Variants in EIF5AL1 observed in about 807,000 individuals in gnomAD.
The protein encoded by EIF5AL1 is eukaryotic translation initiation factor 5A-1-like.
A neutral mutation model predicts 9.0 loss-of-function variants in EIF5AL1; 4 were observed. The ratio of observed to expected loss-of-function variants is 0.45; its 90% CI spans 0.22 to 1.02. EIF5AL1 has a LOEUF of 1.02. EIF5AL1 is among the 50% of genes least tolerant of loss of function. The pLI, the probability that EIF5AL1 is intolerant of heterozygous loss-of-function variation, is 0.24. For synonymous variants in EIF5AL1, 40 were observed against 75.7 expected (o/e 0.53, Z 2.45); for missense variants, 58 against 194.1 (o/e 0.30, Z 4.17).
rs1156533407 is a variant in EIF5AL1 at position 79,512,553 on chromosome 10, C to T, written c.-97C>T. On this transcript the variant is annotated 5_prime_UTR_variant, in exon 1 of 1. Transcript: ENST00000520547. The stretch of plus-strand genomic sequence containing the variant: ...GCCTGGGTAGAGGCGGCGGCGGCGG[C>T]GGCGGCGGCGGGCTCGGAGGCAGCG... The T allele has an allele frequency of 1.1e-5, 12 of 1,095,512 alleles. No homozygotes were observed. The highest frequency in any genetic ancestry group is 7.9e-6 in the Non-Finnish European group (6 of 762,474). 67.9% of individuals were successfully genotyped at this position (1,095,512 alleles called of 1,614,324 possible). A position where few individuals can be genotyped will look rare whatever the true frequency, so the allele number is the denominator to read the frequency against.
At position 79,513,984 on chromosome 10, in the gene EIF5AL1, A is replaced by T. The variant is rs1254689284; in HGVS notation, c.*870A>T. On this transcript the variant is annotated 3_prime_UTR_variant, in exon 1 of 1. Coordinates refer to ENST00000520547, the MANE Select transcript of EIF5AL1 (RefSeq NM_001099692.2). ...AGGAGTTCACAGTTTAACGCAAATG[A>T]GAAGCCAGTGAGGACATCACTACTC... 6.0e-6 allele frequency: 1 copy of T among 167,016 alleles called. No homozygotes were observed. Among genetic ancestry groups the T allele is most frequent in the Non-Finnish European group, 1.5e-5 (1 of 68,102 alleles). The allele number at this position is 167,016 out of a possible 1,614,324, so 10.3% of individuals were successfully genotyped here.
At position 79,515,731 on chromosome 10, in the gene EIF5AL1, T is replaced by G. The variant is rs2132260681; in HGVS notation, c.*2617T>G. ...GAATTCCATATAGACTGCATATGAG[T>G]TGAATCTTCTAAGACATGAAATATT... is the stretch of plus-strand genomic sequence containing the variant. On this transcript the variant is annotated 3_prime_UTR_variant, in exon 1 of 1. Transcript: ENST00000520547. 1 of 167,230 alleles carries G rather than the reference T, an allele frequency of 6.0e-6. No individual in the cohort carries two copies. The highest frequency in any genetic ancestry group is 2.1e-4 in the South Asian group (1 of 4,824). 10.4% of individuals were successfully genotyped at this position (167,230 alleles called of 1,614,324 possible). A position where few individuals can be genotyped will look rare whatever the true frequency, so the allele number is the denominator to read the frequency against.
Position 79,512,637 on chromosome 10 carries a change from G to T in EIF5AL1, c.-13G>T. ...AGTGCCGTTTGCGCCAGTTGGAATC[G>T]AAGCCTCTTAAAATGGCAGATGATT... On this transcript the variant is annotated 5_prime_UTR_variant, in exon 1 of 1. Transcript: ENST00000520547. 1.0e-6 allele frequency: 1 copy of T among 1,004,238 alleles called. No individual in the cohort carries two copies. The highest frequency in any genetic ancestry group is 1.5e-6 in the Non-Finnish European group (1 of 679,510). 62.2% of individuals were successfully genotyped at this position (1,004,238 alleles called of 1,614,324 possible). A position where few individuals can be genotyped will look rare whatever the true frequency, so the allele number is the denominator to read the frequency against.
rs945529081 is a variant in EIF5AL1 at position 79,515,804 on chromosome 10, C to G, written c.*2690C>G. Reference sequence around the variant, plus strand: ...CAATGCAAATCCTGTTGCAGATGTACGTCATATACCTCTGAAATTCCTGAT... The same window carrying G: ...CAATGCAAATCCTGTTGCAGATGTAGGTCATATACCTCTGAAATTCCTGAT... On this transcript the variant is annotated 3_prime_UTR_variant, in exon 1 of 1. Coordinates refer to ENST00000520547, the MANE Select transcript of EIF5AL1 (RefSeq NM_001099692.2). The G allele has an allele frequency of 1.8e-5, 3 of 166,916 alleles. No homozygotes were observed. The highest frequency in any genetic ancestry group is 7.2e-5 in the African/African-American group (3 of 41,386). The allele number at this position is 166,916 out of a possible 1,614,324, so 10.3% of individuals were successfully genotyped here.
chr10:79,512,554 G>T lies in EIF5AL1; in HGVS notation c.-96G>T. 5 of 1,098,248 alleles carry T rather than the reference G, an allele frequency of 4.6e-6. No homozygotes were observed. The highest frequency in any genetic ancestry group is 2.7e-5 in the South Asian group (2 of 73,256). 68.0% of individuals were successfully genotyped at this position (1,098,248 alleles called of 1,614,324 possible). ...CCTGGGTAGAGGCGGCGGCGGCGGC[G>T]GCGGCGGCGGGCTCGGAGGCAGCGG... On this transcript the variant is annotated 5_prime_UTR_variant, in exon 1 of 1. Transcript: ENST00000520547.
In EIF5AL1 at chr10:79,514,075, G is replaced by T. The variant is rs1858192059; in HGVS notation, c.*961G>T. On this transcript the variant is annotated 3_prime_UTR_variant, in exon 1 of 1. Transcript: ENST00000520547. ...TGGAGGGAAGCTAAGGAAGCATTCT[G>T]CTCTGGAGTAGACATGAGTGCGTGT... 6.0e-6 allele frequency: 1 copy of T among 167,072 alleles called. No homozygotes were observed. Among genetic ancestry groups the T allele is most frequent in the African/African-American group, 2.4e-5 (1 of 41,450 alleles). The allele number at this position is 167,072 out of a possible 1,614,324, so 10.3% of individuals were successfully genotyped here.
chr10:79,515,371 A>G lies in EIF5AL1; in HGVS notation c.*2257A>G, dbSNP rs1451417425. On this transcript the variant is annotated 3_prime_UTR_variant, in exon 1 of 1. Transcript: ENST00000520547. ...GACTGTAAGACAGACTTGAGATAAG[A>G]CATCTAGAAAACAATAATTGAACAA... 5.4e-6 allele frequency: 1 copy of G among 184,390 alleles called. No homozygotes were observed. The highest frequency in any genetic ancestry group is 1.3e-5 in the Non-Finnish European group (1 of 78,186). The allele number at this position is 184,390 out of a possible 1,614,324, so 11.4% of individuals were successfully genotyped here. A position where few individuals can be genotyped will look rare whatever the true frequency, so the allele number is the denominator to read the frequency against.
Position 79,512,871 on chromosome 10 carries a change from G to C in EIF5AL1, c.222G>C (p.Pro74=). The change falls in exon 1 of 1, where the codon CCG becomes CCC. Residue 74 remains proline (P), a synonymous_variant. Coordinates refer to ENST00000520547, the MANE Select transcript of EIF5AL1 (RefSeq NM_001099692.2). ...GGAAGAAATATGAAGATATCTGCCC[G>C]TCAACTCATAATATGGATGTCCCCA... ...FTGKKYEDIC[P]STHNMDVPNI... 1 of 1,608,324 alleles carries C rather than the reference G, an allele frequency of 6.2e-7. No homozygotes were observed. Among genetic ancestry groups the C allele is most frequent in the Non-Finnish European group, 8.5e-7 (1 of 1,175,996 alleles).
Position 79,513,075 on chromosome 10 carries a change from A to G in EIF5AL1, c.426A>G (p.Thr142=). The G allele has an allele frequency of 6.2e-7, 1 of 1,612,824 alleles. No homozygotes were observed. The highest frequency in any genetic ancestry group is 2.2e-5 in the East Asian group (1 of 44,870). ...TGATCACGGTGCTGTCTGCCATGAC[A>G]GAGGAGGCAGCTGTTGCAATCAAGG... ...EILITVLSAM[T]EEAAVAIKAM... is the part of the protein sequence containing the mutation. The change falls in exon 1 of 1, where the codon ACA becomes ACG. Residue 142 remains threonine (T), a synonymous_variant. Transcript: ENST00000520547.
Position 79,513,589 on chromosome 10 carries a change from A to C in EIF5AL1, c.*475A>C, listed in dbSNP as rs1262887394. ...CTCGCCTGCCTGTGTCTCTCCCCAAACCCCTTTAGATGGGGAGGGAAGAAG... is the reference window on the plus strand; with the variant it reads ...CTCGCCTGCCTGTGTCTCTCCCCAACCCCCTTTAGATGGGGAGGGAAGAAG... On this transcript the variant is annotated 3_prime_UTR_variant, in exon 1 of 1. Coordinates refer to ENST00000520547, the MANE Select transcript of EIF5AL1 (RefSeq NM_001099692.2). The C allele has an allele frequency of 1.1e-5, 2 of 181,928 alleles. No individual in the cohort carries two copies. The highest frequency in any genetic ancestry group is 2.4e-5 in the African/African-American group (1 of 40,884). The allele number at this position is 181,928 out of a possible 1,614,324, so 11.3% of individuals were successfully genotyped here.
rs1366234188 is a variant in EIF5AL1 at position 79,514,726 on chromosome 10, G to A, written c.*1612G>A. The A allele has an allele frequency of 6.0e-6, 1 of 167,486 alleles. No individual in the cohort carries two copies. The highest frequency in any genetic ancestry group is 1.5e-5 in the Non-Finnish European group (1 of 68,506). The allele number at this position is 167,486 out of a possible 1,614,324, so 10.4% of individuals were successfully genotyped here. On this transcript the variant is annotated 3_prime_UTR_variant, in exon 1 of 1. Transcript: ENST00000520547. The stretch of plus-strand genomic sequence containing the variant: ...AAAAGACTGTGAAAATGAATCCAGA[G>A]GTGACCCAAGCATTGAATTTAACAA...
Position 79,512,626 on chromosome 10 carries a change from CA to C in EIF5AL1, c.-23del. 1.1e-6 allele frequency: 1 copy of C among 895,640 alleles called. No individual in the cohort carries two copies. Among genetic ancestry groups the C allele is most frequent in the East Asian group, 2.6e-5 (1 of 37,990 alleles). The allele number at this position is 895,640 out of a possible 1,614,324, so 55.5% of individuals were successfully genotyped here. ...GGGGTCGAGTCAGTGCCGTTTGCGC[CA>C]GTTGGAATCGAAGCCTCTTAAAATG... On this transcript the variant is annotated 5_prime_UTR_variant, in exon 1 of 1. Transcript: ENST00000520547.
chr10:79,512,867 GC>G lies in EIF5AL1; in HGVS notation c.221del (p.Pro74ArgfsTer18). 6.2e-7 allele frequency: 1 copy of G among 1,613,690 alleles called. No individual in the cohort carries two copies. Among genetic ancestry groups the G allele is most frequent in the Non-Finnish European group, 8.5e-7 (1 of 1,179,900 alleles). ...ACTGGGAAGAAATATGAAGATATCT[GC>G]CCGTCAACTCATAATATGGATGTCC... ...IFTGKKYEDI[C>X]PSTHNMDVPN... On this transcript the variant is annotated frameshift_variant, in exon 1 of 1. Coordinates refer to ENST00000520547, the MANE Select transcript of EIF5AL1 (RefSeq NM_001099692.2). LOFTEE classifies it high-confidence loss of function.
chr10:79,515,165 T>C lies in EIF5AL1; in HGVS notation c.*2051T>C, dbSNP rs1858213774. The C allele has an allele frequency of 3.0e-6, 1 of 337,052 alleles. No individual in the cohort carries two copies. The highest frequency in any genetic ancestry group is 5.9e-6 in the Non-Finnish European group (1 of 170,114). 20.9% of individuals were successfully genotyped at this position (337,052 alleles called of 1,614,324 possible). On this transcript the variant is annotated 3_prime_UTR_variant, in exon 1 of 1. Transcript: ENST00000520547. ...GTGCATATAAGTGGACCTGAGCCCTTGGTTAGGGTGTAGAGAGGAGAAGGG... is the reference window on the plus strand; with the variant it reads ...GTGCATATAAGTGGACCTGAGCCCTCGGTTAGGGTGTAGAGAGGAGAAGGG...
At position 79,514,966 on chromosome 10, in the gene EIF5AL1, A is replaced by T. The variant is rs1564657636; in HGVS notation, c.*1852A>T. The T allele has an allele frequency of 5.2e-6, 1 of 190,744 alleles. No homozygotes were observed. Among genetic ancestry groups the T allele is most frequent in the Non-Finnish European group, 1.2e-5 (1 of 83,638 alleles). 11.8% of individuals were successfully genotyped at this position (190,744 alleles called of 1,614,324 possible). ...TACAACAGTGTTTGTGTCAGTGAAC[A>T]TCTTACTCTTCCTCGGCAGTCTTTC... is the stretch of plus-strand genomic sequence containing the variant. On this transcript the variant is annotated 3_prime_UTR_variant, in exon 1 of 1. Transcript: ENST00000520547.
rs1183835542 is a variant in EIF5AL1, at chr10:79,513,778, G to A, written c.*664G>A. On this transcript the variant is annotated 3_prime_UTR_variant, in exon 1 of 1. Transcript: ENST00000520547. ...AAAAAAAAAAAAAAGAAAGAAAGAC[G>A]TGTAAAATGCCAAGAACTCTAGGAA... is the stretch of plus-strand genomic sequence containing the variant. 6.0e-6 allele frequency: 1 copy of A among 165,494 alleles called. No homozygotes were observed. Among genetic ancestry groups the A allele is most frequent in the South Asian group, 2.1e-4 (1 of 4,800 alleles). The allele number at this position is 165,494 out of a possible 1,614,324, so 10.3% of individuals were successfully genotyped here.
In EIF5AL1 at chr10:79,512,885, T is replaced by C. The variant is rs550840330; in HGVS notation, c.236T>C (p.Met79Thr). The change falls in exon 1 of 1, where the codon ATG (methionine) becomes ACG (threonine). Residue 79 changes from methionine to threonine, a missense_variant. Met to Thr is a moderately conservative substitution (Grantham distance 81). Coordinates refer to ENST00000520547, the MANE Select transcript of EIF5AL1 (RefSeq NM_001099692.2). ...GATATCTGCCCGTCAACTCATAATA[T>C]GGATGTCCCCAACATCAAAAGGAAT... ...YEDICPSTHN[M>T]DVPNIKRNDF... 1.4e-5 allele frequency: 22 copies of C among 1,613,876 alleles called. No homozygotes were observed. The African/African-American group carries it at 2.4e-4, about 18-fold the overall frequency.
Position 79,512,552 on chromosome 10 carries a change from G to A in EIF5AL1, c.-98G>A, listed in dbSNP as rs2132258733. On this transcript the variant is annotated 5_prime_UTR_variant, in exon 1 of 1. Coordinates refer to ENST00000520547, the MANE Select transcript of EIF5AL1 (RefSeq NM_001099692.2). ...TGCCTGGGTAGAGGCGGCGGCGGCG[G>A]CGGCGGCGGCGGGCTCGGAGGCAGC... The A allele has an allele frequency of 3.6e-6, 4 of 1,103,026 alleles. No homozygotes were observed. The highest frequency in any genetic ancestry group is 5.2e-6 in the Non-Finnish European group (4 of 767,790). The allele number at this position is 1,103,026 out of a possible 1,614,324, so 68.3% of individuals were successfully genotyped here.
In EIF5AL1 at chr10:79,515,155, C is replaced by G; in HGVS notation, c.*2041C>G. The G allele has an allele frequency of 9.1e-6, 3 of 328,838 alleles. No individual in the cohort carries two copies. The highest frequency in any genetic ancestry group is 8.1e-5 in the South Asian group (3 of 36,878). 20.4% of individuals were successfully genotyped at this position (328,838 alleles called of 1,614,324 possible). A position where few individuals can be genotyped will look rare whatever the true frequency, so the allele number is the denominator to read the frequency against. On this transcript the variant is annotated 3_prime_UTR_variant, in exon 1 of 1. Transcript: ENST00000520547. ...TTCTATTTGTGTGCATATAAGTGGACCTGAGCCCTTGGTTAGGGTGTAGAG... is the reference window on the plus strand; with the variant it reads ...TTCTATTTGTGTGCATATAAGTGGAGCTGAGCCCTTGGTTAGGGTGTAGAG...
Sources: allele counts gnomAD v4.1 joint callset, GRCh38; gene constraint gnomAD v4.1.1; transcripts MANE v1.5; gene names NCBI Gene and HGNC (gene_info 2026-07-23, HGNC 2026-07-21).